Variants in WDR17 observed in about 807,000 individuals in gnomAD.
The protein encoded by WDR17 is WD repeat-containing protein 17.
Under a neutral mutation model 161.7 loss-of-function variants are expected in WDR17, and 143 were observed. The observed-to-expected ratio is 0.88, with a 90% confidence interval of 0.77 to 1.02. WDR17 has a LOEUF of 1.02. Among genes scored for constraint, WDR17 ranks in the 50% least tolerant of loss-of-function variants. The pLI, the probability that WDR17 is intolerant of heterozygous loss-of-function variation, is 0.00. For synonymous variants in WDR17, 517 were observed against 515.6 expected (o/e 1.00, Z -0.04); for missense variants, 1,469 against 1,520.9 (o/e 0.97, Z 0.57).
chr4:176,156,806 G>A (rs1443298921), intron 18 of WDR17, among the ~76,000 whole-genome samples: 2 of 152,126 alleles, frequency 1.3e-5, no homozygotes, highest in African/African-American at 4.8e-5. Flanking sequence ...GAGGCTCTGA[G>A]AAAGAATTAG....
chr4:176,127,418 A>C (rs949137218), intron 5 of WDR17, among the ~76,000 whole-genome samples: 5 of 151,750 alleles, frequency 3.3e-5, no homozygotes, highest in Non-Finnish European at 5.9e-5. Context: ...CAGCCTCCCG[A>C]GTAGCTGAGA....
In WDR17 at chr4:176,125,283, C is replaced by T; in HGVS notation, c.718C>T (p.Leu240Phe). The change falls in exon 5 of 29, where the codon CTT becomes TTT. Residue 240 changes from leucine to phenylalanine, a missense_variant. Leu to Phe is a conservative substitution (Grantham distance 22). Coordinates refer to ENST00000508596, the MANE Select transcript of WDR17 (RefSeq NM_181265.4). The stretch of plus-strand genomic sequence containing the variant: ...ACTTTCTTGCATAACAACATTTAAT[C>T]TTCCCAGTGCAGCAGCTTCTGTACA... The part of the protein sequence containing the change: ...ESLSCITTFN[L>F]PSAAASVQCL... 3 of 1,614,150 alleles carry T rather than the reference C, an allele frequency of 1.9e-6. No homozygotes were observed. The highest frequency in any genetic ancestry group is 1.7e-6 in the Non-Finnish European group (2 of 1,180,016).
chr4:176,069,512 A>C (rs1290958385), intron 1 of WDR17, among the ~76,000 whole-genome samples: 2 of 152,196 alleles, frequency 1.3e-5, no homozygotes, highest in Admixed American at 6.5e-5. Context: ...ATAAATTTCC[A>C]TGTGTCAGTG....
chr4:176,089,898 C>T (rs561903132), intron 1 of WDR17, among the ~76,000 whole-genome samples: 2 of 152,190 alleles, frequency 1.3e-5, no homozygotes, highest in African/African-American at 4.8e-5. Context: ...TTTACTCCTT[C>T]TCCATTGTTC....
At chr4:176,170,725 C>CTTTCTAAAGG (rs1750609957) in intron 23 of WDR17, among the ~76,000 whole-genome samples, 1 of 152,244 alleles carries the variant, frequency 6.6e-6, no homozygotes, top group African/African-American at 2.4e-5. Context: ...CTTTTCATCA[C>CTTTCTAAAGG]ACATTCTAAA....
rs968770660 is a variant in WDR17 at position 176,090,494 on chromosome 4, A to T, written c.-6-21081A>T. ...AGCCTTATAGCAAGACAAACAGATG[A>T]AGACAGACAGGTCACATTATTCTAG... On this transcript the variant is annotated intron_variant, in intron 1 of 28. Coordinates refer to ENST00000508596, the MANE Select transcript of WDR17 (RefSeq NM_181265.4). 3.4e-4 allele frequency among the ~76,000 whole-genome samples: 51 copies of T among 152,176 alleles called. 1 individual carries two copies. Among genetic ancestry groups the T allele is most frequent in the Non-Finnish European group, 5.9e-4 (40 of 68,030 alleles).
chr4:176,095,113 G>A (rs1050900510), intron 1 of WDR17, among the ~76,000 whole-genome samples: 3 of 151,782 alleles, frequency 2.0e-5, no homozygotes, highest in Admixed American at 6.6e-5. Flanking sequence ...TTCAAAGTAG[G>A]GTAAAAAAAG....
At chr4:176,131,773 A>C in intron 7 of WDR17, 35 bp downstream of exon 7, 1 of 1,468,346 alleles carries the variant, frequency 6.8e-7, no homozygotes, top group Non-Finnish European at 9.1e-7. Context: ...TATACATAAT[A>C]GTTTTTTGTG....
At chr4:176,152,742 C>CGCT (rs1270449951) in intron 17 of WDR17, among the ~76,000 whole-genome samples, 2 of 151,608 alleles carry the variant, frequency 1.3e-5, no homozygotes, top group Admixed American at 6.6e-5. Flanking sequence ...CAAGATCAGC[C>CGCT]TAGCCAACAT....
At chr4:176,129,810 T>C (rs1461692196) in intron 6 of WDR17, among the ~76,000 whole-genome samples, 4 of 150,224 alleles carry the variant, frequency 2.7e-5, no homozygotes, top group Admixed American at 1.3e-4. Flanking sequence ...AACTGGAGGG[T>C]CTAGAAATAT....
chr4:176,163,114 C>T (rs780953736), intron 21 of WDR17, 40 bp from the exon 22 acceptor site: 2 of 1,613,664 alleles, frequency 1.2e-6, no homozygotes, highest in Non-Finnish European at 1.7e-6. Context: ...TCCTACCCAG[C>T]TTCTATGCAA....
intron 1 of WDR17, among the ~76,000 whole-genome samples, chr4:176,105,278 G>A (rs1408532576): frequency 1.3e-5 from 2 of 151,884 alleles, no homozygotes; most frequent in Non-Finnish European, 2.9e-5. Context: ...ATAATAGTTG[G>A]ATAATTCAAT....
intron 22 of WDR17, chr4:176,166,144 G>T: frequency 9.8e-7 from 1 of 1,017,656 alleles, no homozygotes; most frequent in Non-Finnish European, 1.4e-6. Context: ...GTTGGATACA[G>T]GTATTATCTA....
chr4:176,125,865 AG>A (rs1254335117), intron 5 of WDR17, among the ~76,000 whole-genome samples: 2 of 152,210 alleles, frequency 1.3e-5, no homozygotes, highest in Non-Finnish European at 2.9e-5. Context: ...ACTATAAACT[AG>A]TTTAGATTAG....
intron 22 of WDR17, among the ~76,000 whole-genome samples, chr4:176,167,440 A>T (rs1160672309): frequency 1.3e-5 from 2 of 151,146 alleles, no homozygotes; most frequent in Admixed American, 1.3e-4. Context: ...AGGTCAGGAG[A>T]TCGAGACCAT....
At chr4:176,166,058 A>G (rs1749731177) in intron 22 of WDR17, 1 of 869,652 alleles carries the variant, frequency 1.1e-6, no homozygotes, top group Non-Finnish European at 1.7e-6. Flanking sequence ...CATTTACTGT[A>G]AAAGTCTGTT....
At chr4:176,146,738 T>C (rs1746237716) in intron 12 of WDR17, among the ~76,000 whole-genome samples, 1 of 152,214 alleles carries the variant, frequency 6.6e-6, no homozygotes, top group Non-Finnish European at 1.5e-5. Context: ...TGTATTCTTA[T>C]TTATGAAAGT....
intron 1 of WDR17, among the ~76,000 whole-genome samples, chr4:176,101,977 T>G (rs1272380859): frequency 1.3e-5 from 2 of 152,158 alleles, no homozygotes. Context: ...GGCTAGCACT[T>G]TTTAGATACA....
chr4:176,167,610 G>A (rs1033477301), intron 22 of WDR17, among the ~76,000 whole-genome samples: 1 of 114,818 alleles, frequency 8.7e-6, no homozygotes, highest in Non-Finnish European at 1.6e-5. Flanking sequence ...TTGCGCCACT[G>A]CACTCCAGCC....
Sources: allele counts gnomAD v4.1 joint callset (sites outside exome capture counted in the v4.1 genomes callset), GRCh38; gene constraint gnomAD v4.1.1; transcripts MANE v1.5; gene names NCBI Gene and HGNC (gene_info 2026-07-23, HGNC 2026-07-21).